Variants in DLGAP1 observed in about 807,000 individuals in gnomAD.
DLGAP1 encodes disks large-associated protein 1.
A neutral mutation model predicts 90.8 loss-of-function variants in DLGAP1; 11 were observed. The ratio of observed to expected loss-of-function variants is 0.12; its 90% CI spans 0.08 to 0.20. The LOEUF is 0.20. Among genes scored for constraint, DLGAP1 ranks in the 10% least tolerant of loss-of-function variants. DLGAP1 has a pLI of 1.00. For missense variants in DLGAP1, 1,050 were observed against 1,333.8 expected (o/e 0.79, Z 3.31); for synonymous variants, 558 against 540.7 (o/e 1.03, Z -0.44).
rs59592467 is a variant in DLGAP1, at chr18:4,027,503, C to CAAAA, written c.-158-22306_-158-22303dup. 1.4e-3 allele frequency among the ~76,000 whole-genome samples: 80 copies of CAAAA among 55,616 alleles called. 2 individuals are homozygous for CAAAA. Among genetic ancestry groups the CAAAA allele is most frequent in the Non-Finnish European group, 1.9e-3 (62 of 32,188 alleles). 36.5% of individuals were successfully genotyped at this position (55,616 alleles called of 152,430 possible). On this transcript the variant is annotated intron_variant, in intron 2 of 12. Coordinates refer to ENST00000315677, the MANE Select transcript of DLGAP1 (RefSeq NM_004746.4). ...TAGGTGACAGAGCAAGACTCCGTCT[C>CAAAA]AAAAAAAAAAAAAAAAAAAAAAAAA...
intron 1 of DLGAP1, among the ~76,000 whole-genome samples, chr18:4,205,180 C>T (rs193089898): frequency 3.9e-4 from 60 of 151,908 alleles, no homozygotes; most frequent in African/African-American, 1.4e-3. Context: ...GTGAACATGG[C>T]CTTTCAGGAT....
Position 4,181,691 on chromosome 18 carries a change from TTTC to T in DLGAP1, c.-266-30407_-266-30405del, listed in dbSNP as rs201233737. Among the ~76,000 whole-genome samples, 1,423 of 152,168 alleles carry T rather than the reference TTTC, an allele frequency of 9.4e-3. 27 individuals carry two copies. The highest frequency in any genetic ancestry group is 0.031 in the African/African-American group (1,274 of 41,488). On this transcript the variant is annotated intron_variant, in intron 1 of 12. Coordinates refer to ENST00000315677, the MANE Select transcript of DLGAP1 (RefSeq NM_004746.4). ...TATTGTTCCTTTAAGTGTCTTTGGA[TTTC>T]TTCTTTTTTTTTTAAAGTGTCTGGT...
At chr18:4,432,594 G>GTGTA (rs1555618012) in intron 1 of DLGAP1, among the ~76,000 whole-genome samples, 1 of 133,724 alleles carries the variant, frequency 7.5e-6, no homozygotes, top group Non-Finnish European at 1.6e-5. Context: ...CACATAGTGT[G>GTGTA]TGTGTGTGTG....
intron 3 of DLGAP1, among the ~76,000 whole-genome samples, chr18:3,911,847 C>T (rs532643839): frequency 6.6e-6 from 1 of 152,262 alleles, no homozygotes; most frequent in African/African-American, 2.4e-5. Context: ...CAGCATGTGC[C>T]AGAGGTTGAA....
intron 1 of DLGAP1, among the ~76,000 whole-genome samples, chr18:4,162,902 T>A (rs2076870037): frequency 7.0e-6 from 1 of 143,884 alleles, no homozygotes; most frequent in East Asian, 2.3e-4. Flanking sequence ...TTATCTGAAA[T>A]AATCAGAGTT....
At chr18:4,141,069 T>C (rs918028818) in intron 2 of DLGAP1, among the ~76,000 whole-genome samples, 1 of 152,164 alleles carries the variant, frequency 6.6e-6, no homozygotes, top group Non-Finnish European at 1.5e-5. Flanking sequence ...CGAATATTTA[T>C]ACCTTTCTCT....
Position 3,977,434 on chromosome 18 carries a change from G to GGTTTTTTTTTTTTTT in DLGAP1, c.-73+27681_-73+27682insAAAAAAAAAAAAAAC, listed in dbSNP as rs767760816. 1.1e-3 allele frequency among the ~76,000 whole-genome samples: 104 copies of GGTTTTTTTTTTTTTT among 95,324 alleles called. 4 individuals carry two copies. The highest frequency in any genetic ancestry group is 3.1e-3 in the African/African-American group (75 of 23,968). The allele number at this position is 95,324 out of a possible 152,430, so 62.5% of individuals were successfully genotyped here. ...AGTTAATGAATTATGTTTATTCTGT[G>GGTTTTTTTTTTTTTT]TTTTTTTTTTTTTTTTTTTTGCTGA... On this transcript the variant is annotated intron_variant, in intron 3 of 12. Transcript: ENST00000315677.
intron 1 of DLGAP1, among the ~76,000 whole-genome samples, chr18:4,332,853 T>C (rs1269933174): frequency 6.6e-6 from 1 of 151,936 alleles, no homozygotes; most frequent in Admixed American, 6.6e-5. Flanking sequence ...CTTATTTACC[T>C]ATACATGTTA....
At chr18:4,015,702 A>G (rs2074511147) in intron 2 of DLGAP1, among the ~76,000 whole-genome samples, 1 of 152,224 alleles carries the variant, frequency 6.6e-6, no homozygotes. Flanking sequence ...TCACTGAAGA[A>G]TTTTATTCTT....
intron 4 of DLGAP1, among the ~76,000 whole-genome samples, chr18:3,846,043 GGT>G (rs35460885): frequency 0.49 from 71,220 of 144,924 alleles, 18,184 homozygotes; most frequent in East Asian, 0.67. Flanking sequence ...TTGAAAGTGT[GGT>G]GTGTGTGTGT....
intron 7 of DLGAP1, among the ~76,000 whole-genome samples, chr18:3,659,445 A>ACCCCCCCCCC (rs61527537): frequency 3.3e-4 from 35 of 105,316 alleles, no homozygotes; most frequent in African/African-American, 9.7e-4. Context: ...GGATGCTACC[A>ACCCCCCCCCC]CCCCCCGCCG....
chr18:3,944,457 T>C (rs1898638049), intron 3 of DLGAP1, among the ~76,000 whole-genome samples: 1 of 151,984 alleles, frequency 6.6e-6, no homozygotes, highest in Admixed American at 6.6e-5. Flanking sequence ...AGCTGAGAGA[T>C]TGCACCACTG....
chr18:4,354,887 C>CAAAAAAAAAA lies in DLGAP1; in HGVS notation c.-267+100109_-267+100118dup. ...TGGCTTTTTCTGCAATTACTCTCAC[C>CAAAAAAAAAA]AAAAAAAAAAAAAAAAAAAAAAAAA... On this transcript the variant is annotated intron_variant, in intron 1 of 12. Coordinates refer to ENST00000315677, the MANE Select transcript of DLGAP1 (RefSeq NM_004746.4). Among the ~76,000 whole-genome samples, 78 of 23,874 alleles carry CAAAAAAAAAA rather than the reference C, an allele frequency of 3.3e-3. 20 individuals are homozygous for CAAAAAAAAAA. The highest frequency in any genetic ancestry group is 9.9e-3 in the East Asian group (5 of 506). The allele number at this position is 23,874 out of a possible 152,430, so 15.7% of individuals were successfully genotyped here.
At chr18:4,335,702 G>GA (rs2081054379) in intron 1 of DLGAP1, among the ~76,000 whole-genome samples, 1 of 152,116 alleles carries the variant, frequency 6.6e-6, no homozygotes, top group Non-Finnish European at 1.5e-5. Context: ...TGTAAAAAAA[G>GA]AAAAATAAAA....
At chr18:3,751,467 A>C (rs1598589728) in intron 5 of DLGAP1, among the ~76,000 whole-genome samples, 1 of 151,528 alleles carries the variant, frequency 6.6e-6, no homozygotes, top group East Asian at 2.0e-4. Context: ...TGGCTAATTA[A>C]AATTTTTTTT....
intron 5 of DLGAP1, among the ~76,000 whole-genome samples, chr18:3,798,223 A>G (rs1456036593): frequency 6.6e-6 from 1 of 152,236 alleles, no homozygotes; most frequent in Non-Finnish European, 1.5e-5. Context: ...TTAATCATTC[A>G]ACTTGCCAGT....
intron 5 of DLGAP1, among the ~76,000 whole-genome samples, chr18:3,761,636 CGT>C (rs1568087785): frequency 6.6e-6 from 1 of 150,694 alleles, no homozygotes; most frequent in African/African-American, 2.4e-5. Context: ...AGTGCAGTGG[CGT>C]GATCTAGGCT....
intron 9 of DLGAP1, among the ~76,000 whole-genome samples, chr18:3,552,135 C>T (rs577917591): frequency 2.0e-5 from 3 of 152,166 alleles, no homozygotes; most frequent in East Asian, 3.9e-4. Context: ...CCCCTTCCCT[C>T]ATCTCTTCCA....
intron 1 of DLGAP1, among the ~76,000 whole-genome samples, chr18:4,403,191 T>C (rs1598362699): frequency 6.6e-6 from 1 of 152,206 alleles, no homozygotes; most frequent in East Asian, 1.9e-4. Context: ...TCCATTGTAA[T>C]GTGTGAGTGG....
Sources: allele counts gnomAD v4.1 joint callset (sites outside exome capture counted in the v4.1 genomes callset), GRCh38; gene constraint gnomAD v4.1.1; transcripts MANE v1.5; gene names NCBI Gene and HGNC (gene_info 2026-07-23, HGNC 2026-07-21).